PTPRB: variants seen among roughly 807,000 people sequenced by gnomAD.
The protein encoded by PTPRB is receptor-type tyrosine-protein phosphatase beta.
PTPRB carries 97 observed loss-of-function variants against 238.1 expected under a neutral mutation model. That is an observed-to-expected ratio of 0.41 (90% CI 0.35 to 0.48). The LOEUF (loss-of-function observed/expected upper bound fraction) is 0.48. PTPRB is among the 20% of genes least tolerant of loss of function. The pLI is 0.30. For missense variants in PTPRB, 2,292 were observed against 2,681.9 expected, an observed-to-expected ratio of 0.85 and a Z score of 3.21; for synonymous variants, 970 against 995.4, an observed-to-expected ratio of 0.97 and a Z score of 0.48.
intron 11 of PTPRB, among the ~76,000 whole-genome samples, chr12:70,573,476 G>A (rs1468977725): frequency 2.0e-5 from 3 of 150,038 alleles, no homozygotes; most frequent in African/African-American, 7.3e-5. Flanking sequence ...GGTGGCAGTT[G>A]ATGCATGGTT....
chr12:70,622,057 G>A (rs1057399165), intron 3 of PTPRB, among the ~76,000 whole-genome samples: 7 of 152,184 alleles, frequency 4.6e-5, no homozygotes, highest in Non-Finnish European at 8.8e-5. Context: ...ACTCAGGGTT[G>A]CCTGCAGGGC....
At chr12:70,528,850 A>G (rs888740349) in intron 32 of PTPRB, among the ~76,000 whole-genome samples, 2 of 152,168 alleles carry the variant, frequency 1.3e-5, no homozygotes, top group South Asian at 2.1e-4. Context: ...TGGCAATACT[A>G]TTAAATGAAA....
rs1359699278 is a variant in PTPRB at position 70,564,886 on chromosome 12, AAT to A, written c.3904+1547_3904+1548del. 2.5e-4 allele frequency among the ~76,000 whole-genome samples: 8 copies of A among 32,320 alleles called. No homozygotes were observed. In the East Asian group the frequency reaches 5.6e-3, roughly 23 times the overall value. 21.2% of individuals were successfully genotyped at this position (32,320 alleles called of 152,430 possible). ...TAATAATAATAATAATAATAATAAT[AAT>A]AAATAGATAGATAAAATTGTAAGCC... is the stretch of plus-strand genomic sequence containing the variant. On this transcript the variant is annotated intron_variant, in intron 15 of 33. Coordinates refer to ENST00000334414, the MANE Select transcript of PTPRB (RefSeq NM_001109754.4).
chr12:70,622,334 G>A, intron 3 of PTPRB, 56 bp downstream of exon 3: 1 of 1,580,130 alleles, frequency 6.3e-7, no homozygotes, highest in Non-Finnish European at 8.6e-7. Flanking sequence ...GTCTTTTCAA[G>A]CAATGAGCCT....
intron 4 of PTPRB, among the ~76,000 whole-genome samples, chr12:70,599,761 C>T (rs996746909): frequency 6.6e-6 from 1 of 152,082 alleles, no homozygotes; most frequent in South Asian, 2.1e-4. Flanking sequence ...CAAAGTATGG[C>T]AAAATTCCTG....
chr12:70,619,915 C>G (rs1037009952), intron 3 of PTPRB, among the ~76,000 whole-genome samples: 6 of 152,156 alleles, frequency 3.9e-5, no homozygotes, highest in African/African-American at 1.4e-4. Flanking sequence ...CTCATTTTTA[C>G]TTTTCAAAGT....
At chr12:70,564,658 C>A (rs1191731672) in intron 15 of PTPRB, among the ~76,000 whole-genome samples, 1 of 151,668 alleles carries the variant, frequency 6.6e-6, no homozygotes, top group Admixed American at 6.6e-5. Flanking sequence ...GTGGAGAAAC[C>A]CTGTGTCTAC....
intron 33 of PTPRB, among the ~76,000 whole-genome samples, 161 bp from the exon 34 acceptor site, chr12:70,521,672 AAGAC>A (rs1248827448): frequency 6.6e-6 from 1 of 152,218 alleles, no homozygotes; most frequent in Non-Finnish European, 1.5e-5. Flanking sequence ...TCCATTTAGA[AAGAC>A]AGATTATTAG....
Position 70,581,209 on chromosome 12 carries a change from A to C in PTPRB, c.2405T>G (p.Phe802Cys). 1 of 1,613,962 alleles carries C rather than the reference A, an allele frequency of 6.2e-7. No individual in the cohort carries two copies. The highest frequency in any genetic ancestry group is 8.5e-7 in the Non-Finnish European group (1 of 1,179,888). Reference sequence around the variant, plus strand: ...TTCATGGATCAGTAAGACTTGGTAAAATTCTACGTCTCCTTGTGCCTGGGT... The same window carrying C: ...TTCATGGATCAGTAAGACTTGGTAACATTCTACGTCTCCTTGTGCCTGGGT... Reference protein sequence around the residue: ...NWTQAQGDVEFYQVLLIHENV... With the variant: ...NWTQAQGDVECYQVLLIHENV... The change falls in exon 10 of 34, where the codon TTT (phenylalanine) becomes TGT (cysteine). Residue 802 changes from phenylalanine to cysteine, a missense_variant. Phe to Cys is a radical substitution (Grantham distance 205). Transcript: ENST00000334414.
rs541699849 is a variant in PTPRB, at chr12:70,595,423, A to G, written c.1258+626T>C. 1.6e-4 allele frequency among the ~76,000 whole-genome samples: 24 copies of G among 152,342 alleles called. 1 individual carries two copies. In the South Asian group the frequency reaches 4.6e-3, roughly 29 times the overall value. The stretch of plus-strand genomic sequence containing the variant: ...TGTAACAAACCTGCATGTTCTGCAC[A>G]TGTATCCCAGAACTTAAAGTATAAA... On this transcript the variant is annotated intron_variant, in intron 5 of 33. Coordinates refer to ENST00000334414, the MANE Select transcript of PTPRB (RefSeq NM_001109754.4).
chr12:70,602,412 A>G lies in PTPRB; in HGVS notation c.980-6085T>C, dbSNP rs915452554. Among the ~76,000 whole-genome samples, 21 of 152,228 alleles carry G rather than the reference A, an allele frequency of 1.4e-4. 1 individual carries two copies. The highest frequency in any genetic ancestry group is 4.4e-5 in the Non-Finnish European group (3 of 68,056). On this transcript the variant is annotated intron_variant, in intron 4 of 33. Transcript: ENST00000334414. ...CAATATTATCTAAAATGCTGTATAA[A>G]TGCAATATACAGAGAAGTCCCCTGG...
intron 2 of PTPRB, among the ~76,000 whole-genome samples, chr12:70,626,313 A>G (rs1885183653): frequency 7.7e-6 from 1 of 130,330 alleles, no homozygotes; most frequent in Non-Finnish European, 1.6e-5. Context: ...CTATCTATCT[A>G]TCTATCTATC....
chr12:70,586,602 A>T (rs1385440670), intron 9 of PTPRB, among the ~76,000 whole-genome samples: 1 of 152,042 alleles, frequency 6.6e-6, no homozygotes, highest in Non-Finnish European at 1.5e-5. Context: ...CTTCCCTCTC[A>T]CTTTACATCA....
intron 2 of PTPRB, among the ~76,000 whole-genome samples, chr12:70,624,438 T>C (rs1235131973): frequency 2.6e-5 from 4 of 152,164 alleles, no homozygotes; most frequent in African/African-American, 9.7e-5. Flanking sequence ...GTGCCCAGGT[T>C]AGCCACTCCG....
chr12:70,545,126 A>AGAT (rs2136274330), intron 21 of PTPRB, among the ~76,000 whole-genome samples: 1 of 152,320 alleles, frequency 6.6e-6, no homozygotes, highest in East Asian at 1.9e-4. Context: ...AAGAACTAAA[A>AGAT]GATTTGCTGA....
chr12:70,606,162 G>A lies in PTPRB; in HGVS notation c.979+2907C>T, dbSNP rs201553104. Among the ~76,000 whole-genome samples, 305 of 152,200 alleles carry A rather than the reference G, an allele frequency of 2.0e-3. 1 individual carries two copies. The highest frequency in any genetic ancestry group is 6.0e-3 in the African/African-American group (249 of 41,544). On this transcript the variant is annotated intron_variant, in intron 4 of 33. Transcript: ENST00000334414. The stretch of plus-strand genomic sequence containing the variant: ...CTCTGTTGCCACTTTCATCATAACC[G>A]TCTCTCACCTCTGCACGAGACAACA...
chr12:70,560,934 A>G lies in PTPRB; in HGVS notation c.4169T>C (p.Val1390Ala), dbSNP rs749087824. 3.7e-6 allele frequency: 6 copies of G among 1,610,516 alleles called. No homozygotes were observed. The Admixed American group carries it at 1.0e-4, about 27-fold the overall frequency. ...CCTGAGATGACTCACAGAGGCTGGG[A>G]CTTAAACAGAAGAAAAATTGTTACT... ...SNESFIFGRT[V>A]PASVSHLRGS... is the part of the protein sequence containing the mutation. Residue 1390 changes from valine (V) to alanine (A), a missense_variant and splice_region_variant, in exon 17 of 34, where the codon GTC becomes GCC. Around this residue, in one of 4 missense-constraint regions of PTPRB, gnomAD observed 683 missense variants for 862.0 expected, o/e 0.79. Coordinates refer to ENST00000334414, the MANE Select transcript of PTPRB (RefSeq NM_001109754.4). The surrounding 1 kb of genome is among the most constrained non-coding windows in gnomAD (Gnocchi z 4.2).
intron 31 of PTPRB, among the ~76,000 whole-genome samples, chr12:70,532,482 A>ATGTT (rs1873432116): frequency 6.6e-6 from 1 of 152,090 alleles, no homozygotes; most frequent in Admixed American, 6.5e-5. Flanking sequence ...ATAAACATTT[A>ATGTT]TGTTTGAAAA....
At chr12:70,572,467 G>A (rs575614185) in intron 11 of PTPRB, among the ~76,000 whole-genome samples, 19 of 150,496 alleles carry the variant, frequency 1.3e-4, no homozygotes, top group Non-Finnish European at 2.1e-4. Context: ...CCCCCAACCC[G>A]CCCCCCTCAA....
Sources: gnomAD v4.1 joint callset for allele counts (sites outside exome capture counted in the v4.1 genomes callset) on GRCh38, gnomAD v4.1.1 for gene constraint, gnomAD v4.1.1 regional missense constraint, Gnocchi (gnomAD v3.1) non-coding constraint, MANE v1.5 for transcripts, NCBI Gene and HGNC (gene_info 2026-07-23, HGNC 2026-07-21) for gene names.